The following PLCB4 variants were observed in gnomAD, a reference collection of about 807,000 sequenced individuals.
PLCB4 encodes the protein 1-phosphatidylinositol 4,5-bisphosphate phosphodiesterase beta-4.
A neutral mutation model predicts 178.8 loss-of-function variants in PLCB4; 77 were observed. The observed-to-expected ratio is 0.43, with a 90% CI of 0.36 to 0.52. The LOEUF (loss-of-function observed/expected upper bound fraction) is 0.52. Ranked by LOEUF, PLCB4 falls within the 20% of genes least tolerant of loss-of-function variation. The pLI is 0.00. For synonymous variants in PLCB4, 496 were observed against 490.8 expected (o/e 1.01, Z -0.14); for missense variants, 1,024 against 1,453.4 (o/e 0.70, Z 4.80).
intron 2 of PLCB4, among the ~76,000 whole-genome samples, chr20:9,151,401 C>T (rs2092688191): frequency 6.6e-6 from 1 of 152,156 alleles, no homozygotes; most frequent in African/African-American, 2.4e-5. Flanking sequence ...TAAATTTTAT[C>T]ACCCAGAATT....
chr20:9,285,525 T>C (rs1435047860), intron 3 of PLCB4, among the ~76,000 whole-genome samples: 1 of 151,966 alleles, frequency 6.6e-6, no homozygotes, highest in African/African-American at 2.4e-5. Context: ...ATTGATATGC[T>C]TGGGTACAAG....
intron 2 of PLCB4, among the ~76,000 whole-genome samples, chr20:9,122,651 C>T (rs1347288128): frequency 6.6e-6 from 1 of 152,108 alleles, no homozygotes; most frequent in African/African-American, 2.4e-5. Flanking sequence ...ATCAGTTTTG[C>T]TTGATGCAGG....
At chr20:9,187,287 A>G (rs1222669035) in intron 2 of PLCB4, among the ~76,000 whole-genome samples, 1 of 152,016 alleles carries the variant, frequency 6.6e-6, no homozygotes, top group Non-Finnish European at 1.5e-5. Flanking sequence ...TTGTCACTTT[A>G]AAACACAGCC....
chr20:9,093,248 C>T (rs2090762317), intron 1 of PLCB4, among the ~76,000 whole-genome samples: 2 of 152,198 alleles, frequency 1.3e-5, no homozygotes, highest in South Asian at 4.1e-4. Context: ...ATGGCTAGAA[C>T]TGTGATTTTC....
chr20:9,411,540 T>A (rs2039860236), intron 25 of PLCB4, among the ~76,000 whole-genome samples: 1 of 152,204 alleles, frequency 6.6e-6, no homozygotes, highest in Non-Finnish European at 1.5e-5. Flanking sequence ...CTTTGTCCTC[T>A]ACTGATTCTT....
At chr20:9,363,938 G>T (rs2035562433) in intron 8 of PLCB4, among the ~76,000 whole-genome samples, 1 of 152,118 alleles carries the variant, frequency 6.6e-6, no homozygotes, top group Admixed American at 6.6e-5. Flanking sequence ...TTACAGGTGT[G>T]GTCTCTAGGC....
intron 3 of PLCB4, among the ~76,000 whole-genome samples, chr20:9,288,278 T>C (rs1294093373): frequency 6.6e-6 from 1 of 152,078 alleles, no homozygotes; most frequent in East Asian, 1.9e-4. Flanking sequence ...CCTTTATCAG[T>C]GACCTCCCTA....
intron 2 of PLCB4, among the ~76,000 whole-genome samples, chr20:9,159,420 G>A (rs1292341164): frequency 6.6e-6 from 1 of 152,110 alleles, no homozygotes; most frequent in Non-Finnish European, 1.5e-5. Context: ...AGTGCAAAAA[G>A]TAAAAGGTGT....
intron 32 of PLCB4, among the ~76,000 whole-genome samples, chr20:9,448,950 G>A (rs1224302788): frequency 6.6e-6 from 1 of 152,096 alleles, no homozygotes; most frequent in Non-Finnish European, 1.5e-5. Context: ...GAGAAGAAAA[G>A]ATGGGGGTAA....
At chr20:9,334,629 G>T (rs2032190208) in intron 4 of PLCB4, among the ~76,000 whole-genome samples, 1 of 152,166 alleles carries the variant, frequency 6.6e-6, no homozygotes, top group Non-Finnish European at 1.5e-5. Context: ...ATGAGACATG[G>T]AAGTTGCGAA....
intron 2 of PLCB4, among the ~76,000 whole-genome samples, chr20:9,213,756 C>T (rs2093698860): frequency 1.3e-5 from 2 of 152,162 alleles, no homozygotes; most frequent in Non-Finnish European, 2.9e-5. Context: ...TCCAAAGCAG[C>T]AGCATCATTT....
intron 3 of PLCB4, among the ~76,000 whole-genome samples, chr20:9,305,991 C>G (rs537294673): frequency 6.6e-6 from 1 of 152,106 alleles, no homozygotes; most frequent in East Asian, 1.9e-4. Flanking sequence ...CCCATTTATA[C>G]TACGTGGAAT....
chr20:9,079,538 C>G (rs2090045119), intron 1 of PLCB4, among the ~76,000 whole-genome samples: 1 of 152,146 alleles, frequency 6.6e-6, no homozygotes, highest in African/African-American at 2.4e-5. Context: ...TAGCCGAACC[C>G]AGACAGAAGC....
chr20:9,076,884 A>G (rs1015835999), intron 1 of PLCB4, among the ~76,000 whole-genome samples: 4 of 152,194 alleles, frequency 2.6e-5, no homozygotes, highest in Non-Finnish European at 4.4e-5. Flanking sequence ...ATATGTTCCA[A>G]TTGAAGTGAT....
intron 9 of PLCB4, among the ~76,000 whole-genome samples, chr20:9,366,848 A>C (rs1013479545): frequency 1.3e-5 from 2 of 152,226 alleles, no homozygotes; most frequent in Non-Finnish European, 2.9e-5. Flanking sequence ...ACTTCTCTGG[A>C]CACCACTTTA....
chr20:9,307,494 T>TATATACACACAC lies in PLCB4; in HGVS notation c.-15-305_-15-304insTATACACACACA, dbSNP rs1396442853. 1.2e-3 allele frequency among the ~76,000 whole-genome samples: 160 copies of TATATACACACAC among 138,176 alleles called. 1 individual carries two copies. The highest frequency in any genetic ancestry group is 4.0e-3 in the African/African-American group (145 of 36,420). 90.6% of individuals were successfully genotyped at this position (138,176 alleles called of 152,430 possible). The stretch of plus-strand genomic sequence containing the variant: ...GTGCCTTCAGATTTTAAAAAAAGAA[T>TATATACACACAC]ACACACACACACACACACACACACA... On this transcript the variant is annotated intron_variant, in intron 3 of 39. Coordinates refer to ENST00000378473, the MANE Select transcript of PLCB4 (RefSeq NM_001377142.1).
chr20:9,157,500 C>A (rs1279335037), intron 2 of PLCB4, among the ~76,000 whole-genome samples: 1 of 151,908 alleles, frequency 6.6e-6, no homozygotes, highest in Non-Finnish European at 1.5e-5. Context: ...AAAATTGGAA[C>A]CTTTAAGTAG....
intron 3 of PLCB4, among the ~76,000 whole-genome samples, chr20:9,302,855 T>C (rs1381443166): frequency 7.5e-6 from 1 of 133,556 alleles, no homozygotes; most frequent in Non-Finnish European, 1.5e-5. Flanking sequence ...TGTAAAAAGC[T>C]TTTTTTTTTT....
intron 3 of PLCB4, among the ~76,000 whole-genome samples, chr20:9,245,702 G>A (rs1406705568): frequency 2.7e-5 from 4 of 150,926 alleles, no homozygotes; most frequent in Non-Finnish European, 1.5e-5. Context: ...TGTACTTTTG[G>A]TCTACAGAAC....
Sources: allele counts gnomAD v4.1 joint callset (sites outside exome capture counted in the v4.1 genomes callset), GRCh38; gene constraint gnomAD v4.1.1; transcripts MANE v1.5; gene names NCBI Gene and HGNC (gene_info 2026-07-23, HGNC 2026-07-21).